ATXN1: variants seen among roughly 807,000 people sequenced by gnomAD.
The protein encoded by ATXN1 is ataxin-1.
Under a neutral mutation model 56.4 loss-of-function variants are expected in ATXN1, and 8 were observed. The observed-to-expected ratio is 0.14, with a 90% CI of 0.08 to 0.26. The LOEUF is 0.26. ATXN1 is among the 10% of genes least tolerant of loss of function. ATXN1 has a pLI of 1.00. For synonymous variants in ATXN1, 514 were observed against 494.6 expected (o/e 1.04, Z -0.52); for missense variants, 987 against 1,106.5 (o/e 0.89, Z 1.53).
At chr6:16,448,562 A>C (rs1269878078) in intron 6 of ATXN1, among the ~76,000 whole-genome samples, 2 of 152,154 alleles carry the variant, frequency 1.3e-5, no homozygotes, top group Non-Finnish European at 2.9e-5. Flanking sequence ...CCATTAACTG[A>C]CTTCTCTTCA....
chr6:16,664,266 T>C lies in ATXN1; in HGVS notation c.-614-6365A>G, dbSNP rs1214772230. Among the ~76,000 whole-genome samples the C allele has an allele frequency of 3.3e-5, 5 of 152,204 alleles. No homozygotes were observed. In the East Asian group the frequency reaches 5.8e-4, roughly 18 times the overall value. On this transcript the variant is annotated intron_variant, in intron 2 of 7. Coordinates refer to ENST00000436367, the MANE Select transcript of ATXN1 (RefSeq NM_001128164.2). Reference sequence around the variant, plus strand: ...TTCAAAGAGTATAAGCAAAATGGCATAATACAATGAATGAAGAGTATGTTT... The same window carrying C: ...TTCAAAGAGTATAAGCAAAATGGCACAATACAATGAATGAAGAGTATGTTT...
chr6:16,385,998 C>T (rs1561875810), intron 6 of ATXN1, among the ~76,000 whole-genome samples: 2 of 152,158 alleles, frequency 1.3e-5, no homozygotes, highest in Admixed American at 6.5e-5. Flanking sequence ...TCTCCTTCAC[C>T]CTTAAGGCTA....
chr6:16,516,216 T>A (rs548074129), intron 5 of ATXN1, among the ~76,000 whole-genome samples: 10 of 152,362 alleles, frequency 6.6e-5, no homozygotes, highest in Admixed American at 6.5e-4. Context: ...ATCTGACTGT[T>A]CCAAGCCTGG....
chr6:16,667,447 C>T (rs1758450738), intron 2 of ATXN1: 2 of 152,096 alleles, frequency 1.3e-5, no homozygotes, highest in African/African-American at 2.4e-5. Context: ...CAAAGCAGAC[C>T]GGTTATCACA....
intron 5 of ATXN1, among the ~76,000 whole-genome samples, chr6:16,504,227 C>T (rs954431170): frequency 2.0e-5 from 3 of 152,314 alleles, no homozygotes; most frequent in Non-Finnish European, 4.4e-5. Flanking sequence ...TTCCTAAGCC[C>T]TCACTGACTC....
At chr6:16,427,636 C>T (rs772335247) in intron 6 of ATXN1, among the ~76,000 whole-genome samples, 39 of 152,154 alleles carry the variant, frequency 2.6e-4, no homozygotes, top group African/African-American at 5.8e-4. Context: ...TCAAGGGTTC[C>T]GTTTTCAAAG....
chr6:16,530,693 AC>A (rs1761486930), intron 4 of ATXN1, among the ~76,000 whole-genome samples: 5 of 152,068 alleles, frequency 3.3e-5, no homozygotes, highest in Admixed American at 6.6e-5. Flanking sequence ...TGTAAAACAA[AC>A]CCCCATGACA....
At chr6:16,323,845 A>C (rs968461154) in intron 7 of ATXN1, among the ~76,000 whole-genome samples, 2 of 151,642 alleles carry the variant, frequency 1.3e-5, no homozygotes, top group Non-Finnish European at 2.9e-5. Context: ...CCTAGTACCC[A>C]CCCCTAATTC....
intron 7 of ATXN1, among the ~76,000 whole-genome samples, chr6:16,311,971 C>T (rs758993529): frequency 5.9e-5 from 9 of 152,200 alleles, no homozygotes; most frequent in Non-Finnish European, 1.2e-4. Context: ...TCTGGTTCTG[C>T]GTGTTCCCGG....
rs748314030 is a variant in ATXN1 at position 16,395,270 on chromosome 6, C to CAAAAAAAAAAA, written c.-160-66811_-160-66801dup. 2.4e-3 allele frequency among the ~76,000 whole-genome samples: 116 copies of CAAAAAAAAAAA among 48,432 alleles called. 2 individuals carry two copies. Among genetic ancestry groups the CAAAAAAAAAAA allele is most frequent in the African/African-American group, 6.9e-3 (76 of 11,056 alleles). The allele number at this position is 48,432 out of a possible 152,430, so 31.8% of individuals were successfully genotyped here. ...GGCCAACAAGAGCGAAACTCCGTCT[C>CAAAAAAAAAAA]AAAAAAAAAAAAAAAAAAAAACAAG... On this transcript the variant is annotated intron_variant, in intron 6 of 7. Transcript: ENST00000436367.
chr6:16,395,288 A>AAAC (rs1282521491), intron 6 of ATXN1, among the ~76,000 whole-genome samples: 2 of 150,954 alleles, frequency 1.3e-5, no homozygotes, highest in Admixed American at 1.3e-4. Context: ...AAAAAAAAAA[A>AAAC]AAACAAGAAC....
chr6:16,427,100 T>C (rs1759173192), intron 6 of ATXN1, among the ~76,000 whole-genome samples: 2 of 152,168 alleles, frequency 1.3e-5, no homozygotes, highest in Non-Finnish European at 2.9e-5. Context: ...GAACTCTCCA[T>C]GTCCTTGACT....
intron 4 of ATXN1, among the ~76,000 whole-genome samples, chr6:16,568,299 AGG>A (rs147442700): frequency 0.015 from 2,223 of 152,326 alleles, 67 homozygotes; most frequent in African/African-American, 0.05. Context: ...TTTAAGAGAG[AGG>A]CTATCATCAA....
intron 6 of ATXN1, among the ~76,000 whole-genome samples, chr6:16,377,179 G>A (rs891372018): frequency 6.6e-6 from 1 of 152,222 alleles, no homozygotes. Flanking sequence ...CTGGCACCTT[G>A]ATCTTGGACT....
rs773134902 is a variant in ATXN1 at position 16,306,719 on chromosome 6, G to T, written c.2058C>A (p.Thr686=). 6.2e-7 allele frequency: 1 copy of T among 1,614,132 alleles called. No homozygotes were observed. The highest frequency in any genetic ancestry group is 1.7e-5 in the Admixed American group (1 of 60,018). ...CAGAGCCGTTCTTCAGGTTCTTGAG[G>T]GTAAGCGAGATGCAGACATCCCCAA... The part of the protein sequence containing the change: ...LSVGDVCISL[T]LKNLKNGSVK... Residue 686 remains threonine (T), a synonymous_variant, in exon 8 of 8, where the codon ACC becomes ACA. Coordinates refer to ENST00000436367, the MANE Select transcript of ATXN1 (RefSeq NM_001128164.2). This position sits in a 1 kb window ranked among gnomAD's most constrained non-coding sequence, Gnocchi z 5.2.
At chr6:16,740,335 C>T (rs568217807) in intron 2 of ATXN1, among the ~76,000 whole-genome samples, 1 of 152,260 alleles carries the variant, frequency 6.6e-6, no homozygotes, top group African/African-American at 2.4e-5. Flanking sequence ...CCAGCACCAG[C>T]TCCTTCTTGC....
At chr6:16,600,978 C>T (rs1178987966) in intron 3 of ATXN1, among the ~76,000 whole-genome samples, 5 of 152,142 alleles carry the variant, frequency 3.3e-5, no homozygotes. Context: ...ACTCTCAATA[C>T]AATTTGGAAG....
At chr6:16,527,801 T>G (rs1761423319) in intron 4 of ATXN1, among the ~76,000 whole-genome samples, 1 of 152,230 alleles carries the variant, frequency 6.6e-6, no homozygotes, top group Non-Finnish European at 1.5e-5. Flanking sequence ...TGCAATATCA[T>G]GGAATATGAA....
At chr6:16,478,604 C>T (rs987746494) in intron 6 of ATXN1, among the ~76,000 whole-genome samples, 1 of 152,114 alleles carries the variant, frequency 6.6e-6, no homozygotes, top group Non-Finnish European at 1.5e-5. Flanking sequence ...ATCTTTGTGC[C>T]CAGTTCTCTT....
Sources: gnomAD v4.1 joint callset for allele counts (sites outside exome capture counted in the v4.1 genomes callset) on GRCh38, gnomAD v4.1.1 for gene constraint, Gnocchi (gnomAD v3.1) non-coding constraint, MANE v1.5 for transcripts, NCBI Gene and HGNC (gene_info 2026-07-23, HGNC 2026-07-21) for gene names.